NCAM1: variants seen among roughly 807,000 people sequenced by gnomAD.
NCAM1 encodes antigen recognized by monoclonal antibody 5.1H11.
In NCAM1, 14 loss-of-function variants were observed where a neutral mutation model predicts 109.8. The ratio of observed to expected loss-of-function variants is 0.13; its 90% CI spans 0.08 to 0.20. The LOEUF is 0.20. Among genes scored for constraint, NCAM1 ranks in the 10% least tolerant of loss-of-function variants. NCAM1 has a pLI of 1.00. For synonymous variants in NCAM1, 418 were observed against 442.9 expected (o/e 0.94, Z 0.70); for missense variants, 774 against 1,109.9 (o/e 0.70, Z 4.30).
chr11:113,106,973 G>T (rs1940202360), intron 1 of NCAM1, among the ~76,000 whole-genome samples: 1 of 152,154 alleles, frequency 6.6e-6, no homozygotes, highest in East Asian at 1.9e-4. Context: ...ATTGGAATCG[G>T]AATTTTATCT....
At chr11:113,245,184 G>A (rs782001426) in intron 14 of NCAM1, among the ~76,000 whole-genome samples, 25 of 151,930 alleles carry the variant, frequency 1.6e-4, no homozygotes, top group African/African-American at 2.9e-4. Flanking sequence ...GTTGGGTGCC[G>A]TGGCTCAAGC....
At chr11:113,207,235 C>A (rs1555112987) in intron 5 of NCAM1, 26 bp from the exon 6 acceptor site, 2 of 1,597,354 alleles carry the variant, frequency 1.3e-6, no homozygotes, top group Admixed American at 3.3e-5. Context: ...TTCACAACCA[C>A]CCCATGACAC....
intron 9 of NCAM1, among the ~76,000 whole-genome samples, chr11:113,224,219 G>A (rs1944769305): frequency 6.6e-6 from 1 of 152,184 alleles, no homozygotes; most frequent in Non-Finnish European, 1.5e-5. Flanking sequence ...CTGAAAAATT[G>A]GGTCATTCCC....
chr11:113,194,064 G>C (rs1269084145), intron 1 of NCAM1, among the ~76,000 whole-genome samples: 1 of 152,150 alleles, frequency 6.6e-6, no homozygotes, highest in East Asian at 1.9e-4. Flanking sequence ...AGCCCCCATG[G>C]AACAGAGCCA....
chr11:113,166,435 A>G (rs1555105291), intron 1 of NCAM1, among the ~76,000 whole-genome samples: 4 of 152,234 alleles, frequency 2.6e-5, no homozygotes, highest in Non-Finnish European at 2.9e-5. Context: ...TTACAAATCC[A>G]GTGGAATAGC....
chr11:113,156,373 A>G (rs749110260), intron 1 of NCAM1, among the ~76,000 whole-genome samples: 1 of 152,180 alleles, frequency 6.6e-6, no homozygotes, highest in Non-Finnish European at 1.5e-5. Context: ...ATGGTGACCC[A>G]AAGACAGCAA....
intron 17 of NCAM1, among the ~76,000 whole-genome samples, chr11:113,260,959 T>C (rs552872440): frequency 3.3e-5 from 5 of 152,342 alleles, no homozygotes; most frequent in Admixed American, 2.6e-4. Flanking sequence ...GCAGTTCTCC[T>C]AGGAGATACA....
intron 1 of NCAM1, among the ~76,000 whole-genome samples, chr11:112,997,389 T>A (rs1555071610): frequency 6.6e-6 from 1 of 152,154 alleles, no homozygotes; most frequent in Non-Finnish European, 1.5e-5. Flanking sequence ...ATGTCTTTTG[T>A]TTTTAGGGGG....
At chr11:113,132,809 C>A (rs2136133010) in intron 1 of NCAM1, 1 of 152,442 alleles carries the variant, frequency 6.6e-6, no homozygotes, top group East Asian at 1.9e-4. Flanking sequence ...GCCTGACCCA[C>A]CCCATAGAGG....
chr11:113,153,428 GGA>G (rs1269996129), intron 1 of NCAM1, among the ~76,000 whole-genome samples: 2 of 151,122 alleles, frequency 1.3e-5, no homozygotes, highest in African/African-American at 4.9e-5. Flanking sequence ...TTGGCAGTGG[GGA>G]GGGGGGGCAC....
chr11:113,112,805 G>T (rs1281418994), intron 1 of NCAM1, among the ~76,000 whole-genome samples: 1 of 151,914 alleles, frequency 6.6e-6, no homozygotes, highest in Non-Finnish European at 1.5e-5. Flanking sequence ...TGGAGAAGTG[G>T]AATCCCCCAA....
chr11:113,066,690 G>A (rs556637303), intron 1 of NCAM1, among the ~76,000 whole-genome samples: 6 of 151,994 alleles, frequency 3.9e-5, no homozygotes, highest in Middle Eastern at 3.4e-3. Context: ...CCCTTTTCCC[G>A]TCTCTTTCCC....
chr11:113,154,116 A>G (rs1488032083), intron 1 of NCAM1, among the ~76,000 whole-genome samples: 3 of 152,264 alleles, frequency 2.0e-5, no homozygotes, highest in Admixed American at 6.5e-5. Context: ...GACACTTGCC[A>G]CAATTGTAGT....
rs1946422969 is a variant in NCAM1 at position 113,277,590 on chromosome 11, T to C, written c.*2203T>C. ...GTGGACTCAGTTCTTCATCTTGTAA[T>C]GTCGATGGCTTTGCCACACCAGGCC... On this transcript the variant is annotated 3_prime_UTR_variant, in exon 20 of 20. Coordinates refer to ENST00000316851, the MANE Select transcript of NCAM1 (RefSeq NM_181351.5). 1 of 396,510 alleles carries C rather than the reference T, an allele frequency of 2.5e-6. No individual in the cohort carries two copies. The highest frequency in any genetic ancestry group is 4.4e-6 in the Non-Finnish European group (1 of 225,402). The allele number at this position is 396,510 out of a possible 1,614,324, so 24.6% of individuals were successfully genotyped here.
intron 1 of NCAM1, among the ~76,000 whole-genome samples, chr11:113,110,137 T>C (rs559270927): frequency 1.8e-4 from 27 of 152,276 alleles, no homozygotes; most frequent in South Asian, 1.5e-3. Flanking sequence ...TCAGTTGCCA[T>C]TTATTATAAA....
chr11:113,219,713 G>A (rs1944630457), intron 8 of NCAM1, among the ~76,000 whole-genome samples: 1 of 152,214 alleles, frequency 6.6e-6, no homozygotes, highest in African/African-American at 2.4e-5. Flanking sequence ...TGATTTGGGA[G>A]AGACACAAGG....
At position 113,013,436 on chromosome 11, in the gene NCAM1, A is replaced by G. The variant is rs566821266; in HGVS notation, c.52+51772A>G. ...AGCAAGACTCTGTCTCAAAAAAAAA[A>G]AAAAAAAAAAGAAGCGAAAGAAAAA... is the stretch of plus-strand genomic sequence containing the variant. On this transcript the variant is annotated intron_variant, in intron 1 of 19. Coordinates refer to ENST00000316851, the MANE Select transcript of NCAM1 (RefSeq NM_181351.5). Among the ~76,000 whole-genome samples, 227 of 151,806 alleles carry G rather than the reference A, an allele frequency of 1.5e-3. 2 individuals are homozygous for G. The highest frequency in any genetic ancestry group is 3.4e-3 in the Middle Eastern group (1 of 294).
intron 1 of NCAM1, among the ~76,000 whole-genome samples, chr11:113,085,961 C>T (rs782565790): frequency 2.6e-5 from 4 of 152,204 alleles, no homozygotes; most frequent in Admixed American, 6.5e-5. Flanking sequence ...GTTATTCTCC[C>T]ACAACATAGC....
chr11:112,996,800 A>G (rs1951608290), intron 1 of NCAM1, among the ~76,000 whole-genome samples: 1 of 152,206 alleles, frequency 6.6e-6, no homozygotes. Context: ...ATTGCATGGA[A>G]AAAGTTGGAA....
Sources: allele counts gnomAD v4.1 joint callset (sites outside exome capture counted in the v4.1 genomes callset), GRCh38; gene constraint gnomAD v4.1.1; transcripts MANE v1.5; gene names NCBI Gene and HGNC (gene_info 2026-07-23, HGNC 2026-07-21).